Variants in EXOC3L1 observed in about 807,000 individuals in gnomAD.
EXOC3L1 encodes the protein exocyst complex component 3-like protein.
Under a neutral mutation model 83.6 loss-of-function variants are expected in EXOC3L1, and 79 were observed. That is an observed-to-expected ratio of 0.95 (90% CI 0.79 to 1.14). The LOEUF is 1.14. Among genes scored for constraint, EXOC3L1 ranks in the 50% most tolerant of loss-of-function variants. EXOC3L1 has a pLI of 0.00. For synonymous variants in EXOC3L1, 433 were observed against 451.2 expected, an observed-to-expected ratio of 0.96 and a Z score of 0.51; for missense variants, 945 against 972.0, an observed-to-expected ratio of 0.97 and a Z score of 0.37.
At chr16:67,189,550 T>A in intron 2 of EXOC3L1, 81 bp downstream of exon 2, 1 of 1,543,390 alleles carries the variant, frequency 6.5e-7, no homozygotes, top group Non-Finnish European at 8.9e-7. Flanking sequence ...GTGTTGGGAT[T>A]ACAGGCGTGA....
At chr16:67,185,709 C>T (rs1010190125) in intron 9 of EXOC3L1, 1 of 579,258 alleles carries the variant, frequency 1.7e-6, no homozygotes. Flanking sequence ...GCCTCAAATT[C>T]GCGGTGCGTC....
intron 1 of EXOC3L1, 131 bp from the exon 2 acceptor site, chr16:67,189,814 G>A: frequency 1.1e-6 from 1 of 886,670 alleles, no homozygotes; most frequent in Non-Finnish European, 1.8e-6. Context: ...GGAAGTGAGA[G>A]GGAGCGGGTG....
At chr16:67,188,600 G>C in intron 4 of EXOC3L1, 121 bp downstream of exon 4, 2 of 936,892 alleles carry the variant, frequency 2.1e-6, no homozygotes, top group East Asian at 2.6e-5. Context: ...GCTACTGTCT[G>C]GGAGGTCCCT....
intron 4 of EXOC3L1, 77 bp from the exon 5 acceptor site, chr16:67,187,914 G>A (rs1452356978): frequency 6.7e-7 from 1 of 1,488,864 alleles, no homozygotes; most frequent in African/African-American, 1.4e-5. Context: ...GGGATACTGA[G>A]GCCCAGGGCG....
In EXOC3L1 at chr16:67,185,271, T is replaced by C; in HGVS notation, c.1627-13A>G. 1 of 1,613,252 alleles carries C rather than the reference T, an allele frequency of 6.2e-7. No individual in the cohort carries two copies. The highest frequency in any genetic ancestry group is 8.5e-7 in the Non-Finnish European group (1 of 1,179,992). ...CCGCGAACAGGGGCTGGGGAAATGA[T>C]CCAGATCTGGCATTGCCGCGGAGAC... On this transcript the variant is annotated splice_polypyrimidine_tract_variant and intron_variant, in intron 10 of 13. Transcript: ENST00000314586.
chr16:67,186,556 C>A lies in EXOC3L1; in HGVS notation c.1385+1G>T, dbSNP rs766013024. ...AGGAATGGGTCAGTGCCTCAGCAAA[C>A]CTCCTCAAGAATGTGCCCAGTTCTG... On this transcript the variant is annotated splice_donor_variant, in intron 8 of 13. Coordinates refer to ENST00000314586, the MANE Select transcript of EXOC3L1 (RefSeq NM_178516.4). LOFTEE classifies it high-confidence loss of function. The A allele has an allele frequency of 6.2e-7, 1 of 1,613,686 alleles. No homozygotes were observed. Among genetic ancestry groups the A allele is most frequent in the South Asian group, 1.1e-5 (1 of 91,066 alleles).
In EXOC3L1 at chr16:67,188,606, T is replaced by C. The variant is rs1254948949; in HGVS notation, c.427+115A>G. Reference sequence around the variant, plus strand: ...GAAGCCCGGGCTACTGTCTGGGAGGTCCCTGGTGTGCTGCTCTATGCAGTT... The same window carrying C: ...GAAGCCCGGGCTACTGTCTGGGAGGCCCCTGGTGTGCTGCTCTATGCAGTT... On this transcript the variant is annotated intron_variant, in intron 4 of 13. Coordinates refer to ENST00000314586, the MANE Select transcript of EXOC3L1 (RefSeq NM_178516.4). 14 of 990,258 alleles carry C rather than the reference T, an allele frequency of 1.4e-5. 1 individual carries two copies. The highest frequency in any genetic ancestry group is 2.0e-5 in the Non-Finnish European group (14 of 683,580). The allele number at this position is 990,258 out of a possible 1,614,324, so 61.3% of individuals were successfully genotyped here.
chr16:67,187,867 G>A (rs1209867681), intron 4 of EXOC3L1, 30 bp from the exon 5 acceptor site: 2 of 1,541,052 alleles, frequency 1.3e-6, no homozygotes, highest in African/African-American at 2.7e-5. Context: ...GACGGCCCTG[G>A]GTCTCAGCCT....
At position 67,189,156 on chromosome 16, in the gene EXOC3L1, C is replaced by A; in HGVS notation, c.71G>T (p.Arg24Leu). The change falls in exon 3 of 14, where the codon CGG becomes CTG. Residue 24 changes from arginine to leucine, a missense_variant. Transcript: ENST00000314586. ...TGCACCCCGGGCCAGCTGCTCTGCC[C>A]GCTCCTGCTCTGGCCACTCAGGTCC... Reference protein sequence around the residue: ...SPGPEWPEQERAEQLARGAAL... With the variant: ...SPGPEWPEQELAEQLARGAAL... 6.2e-7 allele frequency: 1 copy of A among 1,605,022 alleles called. No individual in the cohort carries two copies. Among genetic ancestry groups the A allele is most frequent in the East Asian group, 2.2e-5 (1 of 44,764 alleles).
In EXOC3L1 at chr16:67,187,820, G is replaced by A; in HGVS notation, c.445C>T (p.His149Tyr). ...RLRAVPAAVS[H>Y]TQTLIDGQQF... Reference sequence around the variant, plus strand: ...TGGCCATCAATCAGAGTCTGTGTGTGGGACACTGCAGCCGGCACTAATGAG... The same window carrying A: ...TGGCCATCAATCAGAGTCTGTGTGTAGGACACTGCAGCCGGCACTAATGAG... Residue 149 changes from histidine (H) to tyrosine (Y), a missense_variant, in exon 5 of 14, where the codon CAC (histidine) becomes TAC (tyrosine). Coordinates refer to ENST00000314586, the MANE Select transcript of EXOC3L1 (RefSeq NM_178516.4). 6.3e-7 allele frequency: 1 copy of A among 1,599,000 alleles called. No homozygotes were observed. Among genetic ancestry groups the A allele is most frequent in the Non-Finnish European group, 8.5e-7 (1 of 1,171,272 alleles).
Position 67,184,562 on chromosome 16 carries a change from C to G in EXOC3L1, c.2073G>C (p.Leu691Phe). ...GCGCGGCCAGGTGCTGCTCCCGGGACAAGTCCCCGCGCAGGCCCAAGAGGG... is the reference window on the plus strand; with the variant it reads ...GCGCGGCCAGGTGCTGCTCCCGGGAGAAGTCCCCGCGCAGGCCCAAGAGGG... The part of the protein sequence containing the change: ...VSALLGLRGD[L>F]SREQHLAALS... Residue 691 changes from leucine (L) to phenylalanine (F), a missense_variant, in exon 14 of 14, where the codon TTG becomes TTC. Physicochemically the swap from Leu to Phe is conservative, Grantham distance 22 (BLOSUM62 0). Transcript: ENST00000314586. The G allele has an allele frequency of 3.9e-6, 6 of 1,542,772 alleles. No homozygotes were observed. Among genetic ancestry groups the G allele is most frequent in the Non-Finnish European group, 3.5e-6 (4 of 1,152,404 alleles).
In EXOC3L1 at chr16:67,184,847, T is replaced by A. The variant is rs752320613; in HGVS notation, c.1906-37A>T. On this transcript the variant is annotated intron_variant, in intron 12 of 13. Transcript: ENST00000314586. ...GGGGTAGGGTCTCGCGCCAGCCCTCTCTCCCACCCAGCCACTGAGACTCTC... is the reference window on the plus strand; with the variant it reads ...GGGGTAGGGTCTCGCGCCAGCCCTCACTCCCACCCAGCCACTGAGACTCTC... 5 of 1,607,708 alleles carry A rather than the reference T, an allele frequency of 3.1e-6. No homozygotes were observed. In the South Asian group the frequency reaches 5.5e-5, roughly 18 times the overall value.
rs1202219498 is a variant in EXOC3L1 at position 67,184,973 on chromosome 16, C to T, written c.1834G>A (p.Asp612Asn). 5.0e-6 allele frequency: 8 copies of T among 1,609,660 alleles called. No homozygotes were observed. The highest frequency in any genetic ancestry group is 1.7e-5 in the Admixed American group (1 of 59,728). The change falls in exon 12 of 14, where the codon GAC becomes AAC. Residue 612 changes from aspartate (D) to asparagine (N), a missense_variant. Coordinates refer to ENST00000314586, the MANE Select transcript of EXOC3L1 (RefSeq NM_178516.4). The part of the protein sequence containing the change: ...MQGRLVCRGA[D>N]ERTQAAERLR... ...CGCTCGGCCGCCTGGGTCCTCTCGT[C>T]GGCTCCGCGGCACACCAGGCGGCCT...
In EXOC3L1 at chr16:67,184,722, T is replaced by G. The variant is rs1217001062; in HGVS notation, c.1994A>C (p.Glu665Ala). ...NLRDPALLGL[E>A]VAGLRQQFPD... ...AAATTGTTGCCGCAGGCCAGCCACC[T>G]CCAGGCCCAGCAGCGCGGGGTCGCG... Residue 665 changes from glutamate (E) to alanine (A), a missense_variant, in exon 13 of 14, where the codon GAG becomes GCG. Coordinates refer to ENST00000314586, the MANE Select transcript of EXOC3L1 (RefSeq NM_178516.4). The G allele has an allele frequency of 2.5e-6, 4 of 1,584,172 alleles. No homozygotes were observed. Among genetic ancestry groups the G allele is most frequent in the Non-Finnish European group, 3.4e-6 (4 of 1,169,088 alleles).
intron 4 of EXOC3L1, among the ~76,000 whole-genome samples, 175 bp from the exon 5 acceptor site, chr16:67,188,012 C>A (rs1381641083): frequency 6.6e-6 from 1 of 152,076 alleles, no homozygotes; most frequent in Non-Finnish European, 1.5e-5. Context: ...GGGAGGCCAA[C>A]GTGGGTGAAT....
chr16:67,184,995 G>A lies in EXOC3L1; in HGVS notation c.1812C>T (p.Gly604=). The A allele has an allele frequency of 1.2e-6, 2 of 1,609,898 alleles. No homozygotes were observed. The highest frequency in any genetic ancestry group is 1.7e-6 in the Non-Finnish European group (2 of 1,178,702). The part of the protein sequence containing the change: ...VLQYLSALMQ[G]RLVCRGADER... ...CGTCGGCTCCGCGGCACACCAGGCGGCCTTGCATCAGCGCGCTCAGGTACT... is the reference window on the plus strand; with the variant it reads ...CGTCGGCTCCGCGGCACACCAGGCGACCTTGCATCAGCGCGCTCAGGTACT... Residue 604 remains glycine (G), a synonymous_variant, in exon 12 of 14, where the codon GGC becomes GGT. Transcript: ENST00000314586.
At chr16:67,185,893 C>T (rs1363344742) in intron 9 of EXOC3L1, among the ~76,000 whole-genome samples, 1 of 152,150 alleles carries the variant, frequency 6.6e-6, no homozygotes, top group East Asian at 1.9e-4. Flanking sequence ...ACAGCTGTAA[C>T]CCCAGACATT....
Position 67,185,258 on chromosome 16 carries a change from G to A in EXOC3L1, c.1627C>T (p.Pro543Ser), listed in dbSNP as rs771403445. 5.6e-6 allele frequency: 9 copies of A among 1,613,392 alleles called. No homozygotes were observed. The highest frequency in any genetic ancestry group is 5.5e-5 in the South Asian group (5 of 91,080). Reference sequence around the variant, plus strand: ...CGCGAGGGCAGATCCGCGAACAGGGGCTGGGGAAATGATCCAGATCTGGCA... The same window carrying A: ...CGCGAGGGCAGATCCGCGAACAGGGACTGGGGAAATGATCCAGATCTGGCA... ...VLEALQAELQ[P>S]LFADLPSRQW... The change falls in exon 11 of 14, where the codon CCC (proline) becomes TCC (serine). Residue 543 changes from proline to serine, a missense_variant and splice_region_variant. Coordinates refer to ENST00000314586, the MANE Select transcript of EXOC3L1 (RefSeq NM_178516.4).
chr16:67,189,681 G>A lies in EXOC3L1; in HGVS notation c.-5C>T. Reference sequence around the variant, plus strand: ...ATCCTTGGCTGCTGAGTCCATTGTGGGCCTGGAGGAGCCAGAGCTGAGGTG... The same window carrying A: ...ATCCTTGGCTGCTGAGTCCATTGTGAGCCTGGAGGAGCCAGAGCTGAGGTG... On this transcript the variant is annotated splice_region_variant and 5_prime_UTR_variant, in exon 2 of 14. Coordinates refer to ENST00000314586, the MANE Select transcript of EXOC3L1 (RefSeq NM_178516.4). The A allele has an allele frequency of 1.2e-6, 2 of 1,614,008 alleles. No homozygotes were observed. The highest frequency in any genetic ancestry group is 1.7e-6 in the Non-Finnish European group (2 of 1,179,980).
Sources: allele counts gnomAD v4.1 joint callset (sites outside exome capture counted in the v4.1 genomes callset), GRCh38; gene constraint gnomAD v4.1.1; transcripts MANE v1.5; gene names NCBI Gene and HGNC (gene_info 2026-07-23, HGNC 2026-07-21).